Variants in MNDA observed in about 807,000 individuals in gnomAD.
MNDA encodes the protein myeloid cell nuclear differentiation antigen, also known as epididymis secretory sperm binding protein.
MNDA carries 43 observed loss-of-function variants against 37.8 expected under a neutral mutation model. That is an observed-to-expected ratio of 1.14 (90% CI 0.89 to 1.47). MNDA has a LOEUF of 1.47. Among genes scored for constraint, MNDA ranks in the 40% most tolerant of loss-of-function variants. MNDA has a pLI of 0.00. For missense variants in MNDA, 536 were observed against 476.0 expected (o/e 1.13, Z -1.17); for synonymous variants, 181 against 169.0 (o/e 1.07, Z -0.55).
chr1:158,841,875 C>T (rs911144599), intron 1 of MNDA, among the ~76,000 whole-genome samples: 3 of 152,166 alleles, frequency 2.0e-5, no homozygotes, highest in African/African-American at 7.2e-5. Context: ...CAACAATTAC[C>T]TGTTTCCAAA....
chr1:158,839,571 T>C (rs1316698986), intron 1 of MNDA, among the ~76,000 whole-genome samples: 1 of 152,190 alleles, frequency 6.6e-6, no homozygotes, highest in Non-Finnish European at 1.5e-5. Context: ...AAGCAGTTAC[T>C]AGTCCCTCAA....
At chr1:158,835,615 TGG>T (rs1340462483) in intron 1 of MNDA, among the ~76,000 whole-genome samples, 1 of 38,626 alleles carries the variant, frequency 2.6e-5, no homozygotes, top group Non-Finnish European at 4.8e-5. Flanking sequence ...CTATTTTTGG[TGG>T]GGGCGGGGGG....
rs751989369 is a variant in MNDA, at chr1:158,843,991, A to G, written c.439A>G (p.Lys147Glu). 9 of 1,605,854 alleles carry G rather than the reference A, an allele frequency of 5.6e-6. No homozygotes were observed. The highest frequency in any genetic ancestry group is 7.6e-6 in the Non-Finnish European group (9 of 1,177,692). Residue 147 changes from lysine to glutamate, a missense_variant, in exon 4 of 7, where the codon AAA (lysine) becomes GAA (glutamate). Coordinates refer to ENST00000368141, the MANE Select transcript of MNDA (RefSeq NM_002432.3). ...TCCAAACAAAGAAAAGACTGAAGCC[A>G]AAAGGAATAAGGTGTCCCAAGAGCA... ...KTPNKEKTEA[K>E]RNKVSQEQSK...
In MNDA at chr1:158,849,247, G is replaced by A. The variant is rs1328861138; in HGVS notation, c.*10G>A. On this transcript the variant is annotated 3_prime_UTR_variant, in exon 7 of 7. Coordinates refer to ENST00000368141, the MANE Select transcript of MNDA (RefSeq NM_002432.3). Reference sequence around the variant, plus strand: ...AATGAATGTTAATTGAAATATGAAAGCTGAAATGCAACAAACAACTTCCGC... The same window carrying A: ...AATGAATGTTAATTGAAATATGAAAACTGAAATGCAACAAACAACTTCCGC... The A allele has an allele frequency of 6.2e-7, 1 of 1,610,502 alleles. No homozygotes were observed. Among genetic ancestry groups the A allele is most frequent in the South Asian group, 1.1e-5 (1 of 90,656 alleles).
rs759844357 is a variant in MNDA, at chr1:158,844,096, A to T, written c.544A>T (p.Thr182Ser). 1.9e-6 allele frequency: 3 copies of T among 1,586,784 alleles called. No homozygotes were observed. The South Asian group carries it at 3.4e-5, about 18-fold the overall frequency. Residue 182 changes from threonine (T) to serine (S), a missense_variant, in exon 4 of 7, where the codon ACT becomes TCT. Physicochemically the swap from Thr to Ser is moderately conservative, Grantham distance 58. Transcript: ENST00000368141. Reference protein sequence around the residue: ...HPPLPQTSSSTPSNTSFTPNQ... With the variant: ...HPPLPQTSSSSPSNTSFTPNQ... ...CCCACTACCCCAGACCTCATCATCA[A>T]CTCCATCCAACACTTCGTTTACTCC... is the stretch of plus-strand genomic sequence containing the variant.
intron 6 of MNDA, 67 bp from the exon 7 acceptor site, chr1:158,849,123 G>A (rs1341253604): frequency 1.6e-5 from 20 of 1,223,138 alleles, no homozygotes; most frequent in Non-Finnish European, 2.3e-5. Context: ...GGTGAAAGGA[G>A]AACTATAAGC....
In MNDA at chr1:158,847,820, G is replaced by A. The variant is rs767066193; in HGVS notation, c.1080G>A (p.Lys360=). The change falls in exon 6 of 7, where the codon AAG becomes AAA. Residue 360 remains lysine, a synonymous_variant. Transcript: ENST00000368141. The stretch of plus-strand genomic sequence containing the variant: ...GGAGTGGAAAATGGCACAATATCAA[G>A]TGTGAGAAAGGAGATAAACTTCGAC... The part of the protein sequence containing the change: ...VVGSGKWHNI[K]CEKGDKLRLF... 1.2e-5 allele frequency: 20 copies of A among 1,613,974 alleles called. No homozygotes were observed. The East Asian group carries it at 4.5e-4, about 36-fold the overall frequency.
At chr1:158,833,582 C>A (rs1042639047) in intron 1 of MNDA, among the ~76,000 whole-genome samples, 1 of 152,130 alleles carries the variant, frequency 6.6e-6, no homozygotes, top group Non-Finnish European at 1.5e-5. Context: ...ATACAGTAAG[C>A]GTGTGCTTTT....
Position 158,831,365 on chromosome 1 carries a change from A to G in MNDA, c.-213A>G, listed in dbSNP as rs1345969794. 2 of 152,212 alleles carry G rather than the reference A, an allele frequency of 1.3e-5. No individual in the cohort carries two copies. Among genetic ancestry groups the G allele is most frequent in the Non-Finnish European group, 2.9e-5 (2 of 68,022 alleles). 9.4% of individuals were successfully genotyped at this position (152,212 alleles called of 1,614,324 possible). A position where few individuals can be genotyped will look rare whatever the true frequency, so the allele number is the denominator to read the frequency against. ...GGAATTAGGACAGTGTAAGAAGGCCATCTACAATCAAGATTGAGAGTGGCT... is the reference window on the plus strand; with the variant it reads ...GGAATTAGGACAGTGTAAGAAGGCCGTCTACAATCAAGATTGAGAGTGGCT... On this transcript the variant is annotated 5_prime_UTR_variant, in exon 1 of 7. Coordinates refer to ENST00000368141, the MANE Select transcript of MNDA (RefSeq NM_002432.3).
At chr1:158,832,231 A>T (rs920390240) in intron 1 of MNDA, among the ~76,000 whole-genome samples, 1 of 152,000 alleles carries the variant, frequency 6.6e-6, no homozygotes, top group African/African-American at 2.4e-5. Flanking sequence ...ATACATTTTG[A>T]CTTTTTTATG....
At position 158,847,891 on chromosome 1, in the gene MNDA, T is replaced by G. The variant is rs771962857; in HGVS notation, c.1151T>G (p.Val384Gly). 6.2e-7 allele frequency: 1 copy of G among 1,613,908 alleles called. No homozygotes were observed. The highest frequency in any genetic ancestry group is 8.5e-7 in the Non-Finnish European group (1 of 1,179,848). Reference sequence around the variant, plus strand: ...ACAGTTGACCGCAAGCTGAAACTGGTGTGTGGAAGTCACAGCTTCATCAAG... The same window carrying G: ...ACAGTTGACCGCAAGCTGAAACTGGGGTGTGGAAGTCACAGCTTCATCAAG... Reference protein sequence around the residue: ...LRTVDRKLKLVCGSHSFIKVI... With the variant: ...LRTVDRKLKLGCGSHSFIKVI... The change falls in exon 6 of 7, where the codon GTG becomes GGG. Residue 384 changes from valine to glycine, a missense_variant. Coordinates refer to ENST00000368141, the MANE Select transcript of MNDA (RefSeq NM_002432.3).
At chr1:158,843,512 A>C in intron 3 of MNDA, 97 bp downstream of exon 3, 2 of 1,245,630 alleles carry the variant, frequency 1.6e-6, no homozygotes, top group Non-Finnish European at 2.1e-6. Flanking sequence ...GCTTAGATTT[A>C]CCAAATTAGT....
intron 5 of MNDA, among the ~76,000 whole-genome samples, chr1:158,846,773 G>A (rs1196107784): frequency 6.6e-6 from 1 of 152,128 alleles, no homozygotes; most frequent in Non-Finnish European, 1.5e-5. Context: ...ATGATTGACT[G>A]CTTTATAACC....
chr1:158,845,679 G>T lies in MNDA; in HGVS notation c.663G>T (p.Ala221=). The change falls in exon 5 of 7, where the codon GCG becomes GCT. Residue 221 remains alanine (A), a synonymous_variant. Coordinates refer to ENST00000368141, the MANE Select transcript of MNDA (RefSeq NM_002432.3). ...CAGTGGTGGTACTGAAAGCAACAGC[G>T]CCATTTAAATACGAGTCCCCAGAAA... is the stretch of plus-strand genomic sequence containing the variant. The part of the protein sequence containing the change: ...PVTVVVLKAT[A]PFKYESPENG... 6.2e-7 allele frequency: 1 copy of T among 1,614,118 alleles called. No individual in the cohort carries two copies. Among genetic ancestry groups the T allele is most frequent in the South Asian group, 1.1e-5 (1 of 91,086 alleles).
At chr1:158,840,698 T>C (rs1425994596) in intron 1 of MNDA, among the ~76,000 whole-genome samples, 4 of 152,216 alleles carry the variant, frequency 2.6e-5, no homozygotes, top group African/African-American at 7.2e-5. Context: ...TAAAAATTAC[T>C]TTCTTAACCT....
chr1:158,845,999 A>C lies in MNDA; in HGVS notation c.983A>C (p.Gln328Pro). 1 of 1,597,858 alleles carries C rather than the reference A, an allele frequency of 6.3e-7. No homozygotes were observed. ...GTMVYGLFML[Q>P]KKSVHKKNTI... ...ATGGTGTATGGGTTGTTTATGTTAC[A>C]AAAGGTAAACCCTTAATTTTGTTTT... Residue 328 changes from glutamine to proline, a missense_variant, in exon 5 of 7, where the codon CAA (glutamine) becomes CCA (proline). Gln to Pro is a moderately conservative substitution (Grantham distance 76). Transcript: ENST00000368141.
chr1:158,832,702 G>A (rs1343691640), intron 1 of MNDA, among the ~76,000 whole-genome samples: 5 of 151,658 alleles, frequency 3.3e-5, no homozygotes, highest in Admixed American at 6.6e-5. Flanking sequence ...CCTATTTTAA[G>A]CTACACTATT....
chr1:158,833,894 AAT>A (rs949295481), intron 1 of MNDA, among the ~76,000 whole-genome samples: 5 of 152,320 alleles, frequency 3.3e-5, no homozygotes, highest in African/African-American at 1.2e-4. Flanking sequence ...ATCATATGGT[AAT>A]GTTATTTTTA....
At position 158,845,979 on chromosome 1, in the gene MNDA, G is replaced by T; in HGVS notation, c.963G>T (p.Val321=). 2 of 1,608,988 alleles carry T rather than the reference G, an allele frequency of 1.2e-6. No homozygotes were observed. Among genetic ancestry groups the T allele is most frequent in the African/African-American group, 1.3e-5 (1 of 74,678 alleles). Residue 321 remains valine, a synonymous_variant, in exon 5 of 7, where the codon GTG becomes GTT. Transcript: ENST00000368141. ...QLYKQASGTM[V]YGLFMLQKKS... ...ACAAGCAAGCATCTGGAACAATGGT[G>T]TATGGGTTGTTTATGTTACAAAAGG... is the stretch of plus-strand genomic sequence containing the variant.
Sources: allele counts gnomAD v4.1 joint callset (sites outside exome capture counted in the v4.1 genomes callset), GRCh38; gene constraint gnomAD v4.1.1; transcripts MANE v1.5; gene names NCBI Gene and HGNC (gene_info 2026-07-23, HGNC 2026-07-21).